The following DOCK8 variants were observed in gnomAD, a reference collection of about 807,000 sequenced individuals.
The protein encoded by DOCK8 is dedicator of cytokinesis protein 8.
In DOCK8, 141 loss-of-function variants were observed where a neutral mutation model predicts 245.6. That is an observed-to-expected ratio of 0.57 (90% confidence interval 0.50 to 0.66). The LOEUF is 0.66. Among genes scored for constraint, DOCK8 ranks in the 30% least tolerant of loss-of-function variants. The probability of loss-of-function intolerance (pLI) is 0.00; values close to 1 mark genes in which losing one functional copy is unlikely to be tolerated. For missense variants in DOCK8, 2,965 were observed against 2,603.4 expected (o/e 1.14, Z -3.02); for synonymous variants, 1,168 against 970.2 (o/e 1.20, Z -3.79).
intron 28 of DOCK8, among the ~76,000 whole-genome samples, chr9:412,474 T>A (rs895535368): frequency 6.6e-5 from 10 of 150,440 alleles, no homozygotes; most frequent in Non-Finnish European, 1.5e-4. Flanking sequence ...AGTAAAACTA[T>A]CTCTATTCAT....
At position 376,275 on chromosome 9, in the gene DOCK8, A is replaced by G; in HGVS notation, c.2175A>G (p.Glu725=). ...GACATAAGGGAGTATTTAATATTGAAGTGCAAGCTGTTTCTTCTGTACACA... is the reference window on the plus strand; with the variant it reads ...GACATAAGGGAGTATTTAATATTGAGGTGCAAGCTGTTTCTTCTGTACACA... ...AEGHKGVFNI[E]VQAVSSVHTQ... is the part of the protein sequence containing the mutation. The change falls in exon 19 of 48, where the codon GAA becomes GAG. Residue 725 remains glutamate (E), a synonymous_variant. Coordinates refer to ENST00000432829, the MANE Select transcript of DOCK8 (RefSeq NM_203447.4). 1 of 1,613,468 alleles carries G rather than the reference A, an allele frequency of 6.2e-7. No individual in the cohort carries two copies.
chr9:361,144 G>A (rs1489380810), intron 14 of DOCK8, among the ~76,000 whole-genome samples: 1 of 152,156 alleles, frequency 6.6e-6, no homozygotes, highest in Non-Finnish European at 1.5e-5. Context: ...TCCAGCCCAA[G>A]CAACAGAGCA....
intron 40 of DOCK8, among the ~76,000 whole-genome samples, 195 bp downstream of exon 40, chr9:439,583 A>G (rs1030832526): frequency 7.2e-5 from 11 of 152,336 alleles, no homozygotes; most frequent in African/African-American, 2.6e-4. Flanking sequence ...GGGAGCTGAG[A>G]TAACCTTTCA....
At chr9:373,215 C>T (rs947198716) in intron 18 of DOCK8, among the ~76,000 whole-genome samples, 1 of 152,200 alleles carries the variant, frequency 6.6e-6, no homozygotes, top group East Asian at 1.9e-4. Flanking sequence ...GGACTGTCCA[C>T]CCTGACTGCA....
intron 30 of DOCK8, among the ~76,000 whole-genome samples, chr9:419,205 A>C (rs908321673): frequency 6.6e-6 from 1 of 152,224 alleles, no homozygotes; most frequent in Non-Finnish European, 1.5e-5. Context: ...GTGAGAAAGC[A>C]GCATCCTGAC....
chr9:290,893 T>C (rs1416584031), intron 4 of DOCK8, among the ~76,000 whole-genome samples: 2 of 152,230 alleles, frequency 1.3e-5, no homozygotes, highest in Non-Finnish European at 2.9e-5. Context: ...GCTGAGGTTT[T>C]CTGGAGTAAT....
intron 33 of DOCK8, among the ~76,000 whole-genome samples, chr9:425,273 C>T (rs1036375232): frequency 6.6e-6 from 1 of 152,138 alleles, no homozygotes; most frequent in Non-Finnish European, 1.5e-5. Context: ...TGGCTCACAC[C>T]TGTAATCCCA....
At chr9:406,860 TA>T (rs932045205) in intron 27 of DOCK8, 69 bp from the exon 28 acceptor site, 1 of 1,606,262 alleles carries the variant, frequency 6.2e-7, no homozygotes, top group Non-Finnish European at 8.5e-7. Context: ...GAGGACTCAG[TA>T]AACACTGGCC....
At chr9:463,285 A>C (rs927491334) in intron 46 of DOCK8, among the ~76,000 whole-genome samples, 27 of 151,888 alleles carry the variant, frequency 1.8e-4, no homozygotes, top group African/African-American at 2.4e-4. Context: ...GTAAAAAAAA[A>C]AAACAAACAC....
chr9:399,122 T>A, intron 25 of DOCK8, 24 bp from the exon 26 acceptor site: 1 of 1,601,048 alleles, frequency 6.2e-7, no homozygotes, highest in Non-Finnish European at 8.6e-7. Flanking sequence ...CACAAAATGA[T>A]TTGGGTGTTT....
chr9:427,020 G>C (rs1475280705), intron 34 of DOCK8, 39 bp downstream of exon 34: 4 of 1,556,526 alleles, frequency 2.6e-6, no homozygotes, highest in Non-Finnish European at 3.5e-6. Flanking sequence ...TGTTGGCCAT[G>C]AATATGTTTA....
At chr9:364,657 A>G (rs1173522024) in intron 14 of DOCK8, among the ~76,000 whole-genome samples, 1 of 151,930 alleles carries the variant, frequency 6.6e-6, no homozygotes, top group Non-Finnish European at 1.5e-5. Context: ...AAAAAAAAAA[A>G]AAGGTTTAAT....
chr9:219,973 G>T (rs909036822), intron 1 of DOCK8, among the ~76,000 whole-genome samples: 2 of 152,320 alleles, frequency 1.3e-5, no homozygotes, highest in East Asian at 1.9e-4. Context: ...TTTCTGAGAA[G>T]TATTTGCTAA....
At chr9:343,356 G>A (rs2051706421) in intron 14 of DOCK8, among the ~76,000 whole-genome samples, 1 of 152,044 alleles carries the variant, frequency 6.6e-6, no homozygotes, top group Non-Finnish European at 1.5e-5. Flanking sequence ...TTGCCCAGGT[G>A]TGGTATTGTG....
At chr9:455,725 C>T (rs1056478157) in intron 46 of DOCK8, among the ~76,000 whole-genome samples, 1 of 151,862 alleles carries the variant, frequency 6.6e-6, no homozygotes, top group East Asian at 1.9e-4. Context: ...CTTAGGCCAT[C>T]CTTATCATCA....
upstream of DOCK8, among the ~76,000 whole-genome samples, chr9:211,898 CA>C (rs367734783): frequency 0.017 from 2,628 of 152,206 alleles, 43 homozygotes; most frequent in South Asian, 0.083. Context: ...ACCGACCCCC[CA>C]AAAAATGTGT....
At chr9:346,963 A>T (rs10491691) in intron 14 of DOCK8, among the ~76,000 whole-genome samples, 83,890 of 151,962 alleles carry the variant, frequency 0.55, 24,517 homozygotes, top group East Asian at 0.83. Flanking sequence ...CCAAGGAAAT[A>T]GGTTCCCAGT....
intron 2 of DOCK8, among the ~76,000 whole-genome samples, chr9:274,465 C>T (rs377223158): frequency 4.1e-5 from 6 of 145,020 alleles, no homozygotes; most frequent in South Asian, 2.2e-4. Flanking sequence ...GGATTGAATT[C>T]TTTTTTTTTT....
chr9:416,472 C>T (rs2056018333), intron 29 of DOCK8, among the ~76,000 whole-genome samples: 1 of 152,176 alleles, frequency 6.6e-6, no homozygotes, highest in Non-Finnish European at 1.5e-5. Context: ...ATTTGGTCTC[C>T]AAGCCTTTTA....
Sources: gnomAD v4.1 joint callset for allele counts (sites outside exome capture counted in the v4.1 genomes callset) on GRCh38, gnomAD v4.1.1 for gene constraint, MANE v1.5 for transcripts, NCBI Gene and HGNC (gene_info 2026-07-23, HGNC 2026-07-21) for gene names.